The following PTPRG variants were observed in gnomAD, a reference collection of about 807,000 sequenced individuals.
PTPRG encodes the protein receptor-type tyrosine-protein phosphatase gamma.
In PTPRG, 102 loss-of-function variants were observed where a neutral mutation model predicts 165.3. The ratio of observed to expected loss-of-function variants is 0.62; its 90% CI spans 0.53 to 0.73. The LOEUF (loss-of-function observed/expected upper bound fraction) is 0.73. PTPRG is among the 30% of genes least tolerant of loss of function. The pLI is 0.00. For synonymous variants in PTPRG, 675 were observed against 669.5 expected (o/e 1.01, Z -0.13); for missense variants, 1,866 against 1,861.4 (o/e 1.00, Z -0.05).
intron 5 of PTPRG, chr3:62,124,389 C>A: frequency 1.2e-6 from 2 of 1,613,760 alleles, no homozygotes; most frequent in Non-Finnish European, 1.7e-6. Flanking sequence ...ATCTGCAGGT[C>A]CAAGATGTAG....
chr3:61,623,779 G>A (rs1450645377), intron 1 of PTPRG, among the ~76,000 whole-genome samples: 2 of 152,168 alleles, frequency 1.3e-5, no homozygotes, highest in Non-Finnish European at 2.9e-5. Flanking sequence ...GTTTGTAGAA[G>A]TCACATACAG....
At chr3:62,184,980 A>G (rs980414101) in intron 8 of PTPRG, among the ~76,000 whole-genome samples, 2 of 151,350 alleles carry the variant, frequency 1.3e-5, no homozygotes, top group Non-Finnish European at 2.9e-5. Flanking sequence ...CAGACAGAGC[A>G]TATCACATTA....
chr3:62,033,200 C>G (rs959630157), intron 4 of PTPRG, among the ~76,000 whole-genome samples: 1 of 152,084 alleles, frequency 6.6e-6, no homozygotes, highest in Non-Finnish European at 1.5e-5. Context: ...ACCTCAGGAC[C>G]TATGAACCTA....
At chr3:61,779,478 C>A (rs1443874163) in intron 2 of PTPRG, among the ~76,000 whole-genome samples, 1 of 152,074 alleles carries the variant, frequency 6.6e-6, no homozygotes, top group African/African-American at 2.4e-5. Context: ...TGACTTGACC[C>A]CGGGGAGATA....
At chr3:62,076,651 G>C (rs954571961) in intron 4 of PTPRG, among the ~76,000 whole-genome samples, 1 of 151,070 alleles carries the variant, frequency 6.6e-6, no homozygotes, top group East Asian at 2.0e-4. Flanking sequence ...GCATGACCTC[G>C]GCTCACCGCA....
chr3:61,706,148 A>G (rs150310236), intron 1 of PTPRG, among the ~76,000 whole-genome samples: 1 of 152,240 alleles, frequency 6.6e-6, no homozygotes, highest in African/African-American at 2.4e-5. Context: ...TGCCTTAAAG[A>G]GAGCTTTTAA....
intron 2 of PTPRG, among the ~76,000 whole-genome samples, chr3:61,954,221 A>T (rs770078582): frequency 3.0e-4 from 45 of 152,174 alleles, no homozygotes; most frequent in Non-Finnish European, 3.5e-4. Flanking sequence ...GTAGGTTTGA[A>T]TGTATGCATG....
chr3:62,137,303 G>A (rs553441781), intron 6 of PTPRG, among the ~76,000 whole-genome samples: 1 of 152,186 alleles, frequency 6.6e-6, no homozygotes, highest in East Asian at 1.9e-4. Flanking sequence ...CTAAAACTTA[G>A]TCTAGTTCTG....
intron 2 of PTPRG, among the ~76,000 whole-genome samples, chr3:61,771,926 G>A (rs371529989): frequency 2.0e-5 from 3 of 152,044 alleles, no homozygotes; most frequent in African/African-American, 7.2e-5. Context: ...CAGGCATGGT[G>A]GTAGGCGCAT....
intron 1 of PTPRG, among the ~76,000 whole-genome samples, chr3:61,590,601 C>T (rs905716970): frequency 6.6e-6 from 1 of 152,108 alleles, no homozygotes; most frequent in African/African-American, 2.4e-5. Flanking sequence ...TTGACTACTT[C>T]CCTCTTGTCC....
chr3:61,989,941 G>A lies in PTPRG; in HGVS notation c.370+137G>A, dbSNP rs2046029. On this transcript the variant is annotated intron_variant, in intron 3 of 29. Transcript: ENST00000474889. ...GAGCCTAAATCAGTCCTTAGTTTCA[G>A]AACAAGTTATGTAACTCAGTAAATC... The A allele has an allele frequency of 1.5e-3, 1,366 of 890,062 alleles. 22 individuals are homozygous for A. The East Asian group carries it at 0.029, about 19-fold the overall frequency. 55.1% of individuals were successfully genotyped at this position (890,062 alleles called of 1,614,324 possible). A position where few individuals can be genotyped will look rare whatever the true frequency, so the allele number is the denominator to read the frequency against.
chr3:62,292,935 T>C (rs919200991), intron 29 of PTPRG, among the ~76,000 whole-genome samples: 2 of 152,170 alleles, frequency 1.3e-5, no homozygotes, highest in Non-Finnish European at 2.9e-5. Flanking sequence ...CAATCAGCAC[T>C]GAGAATTGGT....
Position 62,118,305 on chromosome 3 carries a change from C to T in PTPRG, c.616-14297C>T, listed in dbSNP as rs143465234. ...ACCAACGATATGTAAATGAGTGGACCTGACTGTGTTCCAATAAAACTTTAT... is the reference window on the plus strand; with the variant it reads ...ACCAACGATATGTAAATGAGTGGACTTGACTGTGTTCCAATAAAACTTTAT... On this transcript the variant is annotated intron_variant, in intron 5 of 29. Transcript: ENST00000474889. 1.9e-3 allele frequency: 288 copies of T among 152,288 alleles called. 1 individual carries two copies. Among genetic ancestry groups the T allele is most frequent in the African/African-American group, 6.5e-3 (269 of 41,552 alleles). 9.4% of individuals were successfully genotyped at this position (152,288 alleles called of 1,614,324 possible).
At chr3:61,573,336 G>A (rs879870434) in intron 1 of PTPRG, among the ~76,000 whole-genome samples, 1 of 152,124 alleles carries the variant, frequency 6.6e-6, no homozygotes, top group Non-Finnish European at 1.5e-5. Flanking sequence ...ATATTAGTGG[G>A]TCCCTTGCTA....
intron 1 of PTPRG, among the ~76,000 whole-genome samples, chr3:61,613,323 A>G (rs1701224350): frequency 6.6e-6 from 1 of 152,222 alleles, no homozygotes; most frequent in African/African-American, 2.4e-5. Flanking sequence ...TAGCAAAGCC[A>G]GCGTTCCTTT....
chr3:62,145,945 C>T (rs1438599141), intron 6 of PTPRG, among the ~76,000 whole-genome samples: 1 of 152,186 alleles, frequency 6.6e-6, no homozygotes, highest in Non-Finnish European at 1.5e-5. Context: ...TGATAACTGT[C>T]AAAAGCACTT....
intron 4 of PTPRG, among the ~76,000 whole-genome samples, chr3:62,076,236 A>G (rs1456341628): frequency 6.6e-6 from 1 of 152,090 alleles, no homozygotes; most frequent in Non-Finnish European, 1.5e-5. Flanking sequence ...GCAGTGAGCC[A>G]TGATCATGCC....
chr3:61,671,199 C>T lies in PTPRG; in HGVS notation c.86-77679C>T, dbSNP rs1702973631. The stretch of plus-strand genomic sequence containing the variant: ...GTGTTTCTCGCAGAGGGGGATTTGG[C>T]AGGGTCACAGGACAATAGTGGAGGG... On this transcript the variant is annotated intron_variant, in intron 1 of 29. Coordinates refer to ENST00000474889, the MANE Select transcript of PTPRG (RefSeq NM_002841.4). Among the ~76,000 whole-genome samples, 5 of 144,270 alleles carry T rather than the reference C, an allele frequency of 3.5e-5. No homozygotes were observed. In the South Asian group the frequency reaches 1.1e-3, roughly 32 times the overall value. 94.6% of individuals were successfully genotyped at this position (144,270 alleles called of 152,430 possible). A position where few individuals can be genotyped will look rare whatever the true frequency, so the allele number is the denominator to read the frequency against.
chr3:62,126,629 A>G, intron 5 of PTPRG, among the ~76,000 whole-genome samples: 1 of 152,186 alleles, frequency 6.6e-6, no homozygotes, highest in East Asian at 1.9e-4. Context: ...CTTCTGTGAG[A>G]GGCCTCGGTG....
Sources: gnomAD v4.1 joint callset for allele counts (sites outside exome capture counted in the v4.1 genomes callset) on GRCh38, gnomAD v4.1.1 for gene constraint, MANE v1.5 for transcripts, NCBI Gene and HGNC (gene_info 2026-07-23, HGNC 2026-07-21) for gene names.